MSR1: variants seen among roughly 807,000 people sequenced by gnomAD.
MSR1 encodes the protein macrophage scavenger receptor 1, also known as macrophage scavenger receptor types I and II.
Under a neutral mutation model 47.2 loss-of-function variants are expected in MSR1, and 53 were observed. The observed-to-expected ratio is 1.12, with a 90% CI of 0.90 to 1.41. The LOEUF (loss-of-function observed/expected upper bound fraction) is 1.41, where lower values mean the gene tolerates loss of function less well. Ranked by LOEUF, MSR1 falls within the 40% of genes most tolerant of loss-of-function variation. The pLI is 0.00. For missense variants in MSR1, 786 were observed against 546.9 expected (o/e 1.44, Z -4.36); for synonymous variants, 239 against 185.6 (o/e 1.29, Z -2.34).
chr8:16,152,088 C>CAG (rs879435091), intron 6 of MSR1, among the ~76,000 whole-genome samples: 365 of 152,252 alleles, frequency 2.4e-3, no homozygotes, highest in Admixed American at 6.2e-3. Flanking sequence ...TCCTCCCCCT[C>CAG]TTCCTCATCC....
chr8:16,175,762 G>C (rs745758850), intron 2 of MSR1, among the ~76,000 whole-genome samples: 3 of 152,048 alleles, frequency 2.0e-5, no homozygotes, highest in Non-Finnish European at 2.9e-5. Flanking sequence ...TAATTTTCTT[G>C]TTCAATTCCT....
intron 9 of MSR1, among the ~76,000 whole-genome samples, chr8:16,114,231 A>T (rs1585130852): frequency 4.0e-5 from 6 of 149,808 alleles, no homozygotes; most frequent in Admixed American, 6.6e-5. Flanking sequence ...TTACCCTTAC[A>T]TTTTTTTTTT....
intron 1 of MSR1, among the ~76,000 whole-genome samples, chr8:16,183,848 T>C (rs1050510710): frequency 1.5e-4 from 22 of 144,136 alleles, no homozygotes; most frequent in African/African-American, 5.5e-4. Context: ...TATCATAGAA[T>C]TGGCAATATA....
In MSR1 at chr8:16,108,512, AC is replaced by A. The variant is rs1799685276; in HGVS notation, c.*1572del. On this transcript the variant is annotated 3_prime_UTR_variant, in exon 10 of 10. Coordinates refer to ENST00000262101, the MANE Select transcript of MSR1 (RefSeq NM_138715.3). ...GATAATGCAAATGATTCTTTCAGAA[AC>A]CATTGTATTTACCTTTTGAAGAAAA... The A allele has an allele frequency of 6.6e-6, 1 of 152,106 alleles. No individual in the cohort carries two copies. The highest frequency in any genetic ancestry group is 1.5e-5 in the Non-Finnish European group (1 of 67,994). The allele number at this position is 152,106 out of a possible 1,614,324, so 9.4% of individuals were successfully genotyped here. A position where few individuals can be genotyped will look rare whatever the true frequency, so the allele number is the denominator to read the frequency against.
chr8:16,131,184 A>C (rs1235707088), intron 8 of MSR1, among the ~76,000 whole-genome samples: 3 of 152,094 alleles, frequency 2.0e-5, no homozygotes. Context: ...CCATTCTGAC[A>C]GGTGTGAGGT....
chr8:16,180,247 A>G (rs1312862401), intron 1 of MSR1, among the ~76,000 whole-genome samples: 10 of 151,980 alleles, frequency 6.6e-5, no homozygotes, highest in South Asian at 4.1e-4. Flanking sequence ...ATGTCCTTGT[A>G]CCTTTTCCAG....
intron 1 of MSR1, among the ~76,000 whole-genome samples, chr8:16,181,653 G>A (rs748072753): frequency 5.3e-5 from 8 of 152,030 alleles, no homozygotes; most frequent in East Asian, 1.9e-4. Flanking sequence ...CTGTCAGGGG[G>A]TGGGAGGCAA....
At chr8:16,144,038 A>T (rs1052044428) in intron 7 of MSR1, among the ~76,000 whole-genome samples, 1 of 151,892 alleles carries the variant, frequency 6.6e-6, no homozygotes, top group African/African-American at 2.4e-5. Flanking sequence ...ATCCCCAAAA[A>T]CTGGGCTGCC....
At chr8:16,186,053 T>C in intron 1 of MSR1, 1 of 1,000,708 alleles carries the variant, frequency 1.0e-6, no homozygotes, top group African/African-American at 1.6e-5. Context: ...TTTAAGTTGT[T>C]TTTCCTGTGT....
At chr8:16,152,959 T>C (rs1800901389) in intron 6 of MSR1, among the ~76,000 whole-genome samples, 1 of 152,064 alleles carries the variant, frequency 6.6e-6, no homozygotes, top group Non-Finnish European at 1.5e-5. Flanking sequence ...TTCAAGGAAA[T>C]AGCCCTCTAA....
rs141804459 is a variant in MSR1, at chr8:16,155,111, C to T, written c.851G>A (p.Arg284Gln). 62 of 1,612,046 alleles carry T rather than the reference C, an allele frequency of 3.8e-5. No homozygotes were observed. The East Asian group carries it at 9.8e-4, about 26-fold the overall frequency. ...PPGPPGEKGD[R>Q]GPTGESGPRG... ...TGGACCACTTTCTCCAGTGGGACCT[C>T]GATCTCCTTTTTCACCCGGGGGTCC... Residue 284 changes from arginine (R) to glutamine (Q), a missense_variant, in exon 6 of 10, where the codon CGA becomes CAA. Arg to Gln is a conservative substitution (Grantham distance 43). Transcript: ENST00000262101.
rs1392601522 is a variant in MSR1 at position 16,109,832 on chromosome 8, A to G, written c.*253T>C. The stretch of plus-strand genomic sequence containing the variant: ...TGTAATCTGGAAGCTATAAACTTCA[A>G]AATGTTCAATTCAGCATATAAGTCA... On this transcript the variant is annotated 3_prime_UTR_variant, in exon 10 of 10. Coordinates refer to ENST00000262101, the MANE Select transcript of MSR1 (RefSeq NM_138715.3). 2 of 484,938 alleles carry G rather than the reference A, an allele frequency of 4.1e-6. No individual in the cohort carries two copies. The highest frequency in any genetic ancestry group is 3.9e-5 in the African/African-American group (2 of 51,560). 30.0% of individuals were successfully genotyped at this position (484,938 alleles called of 1,614,324 possible).
intron 6 of MSR1, among the ~76,000 whole-genome samples, chr8:16,154,665 G>A (rs1800949485): frequency 6.6e-6 from 1 of 151,956 alleles, no homozygotes; most frequent in South Asian, 2.1e-4. Flanking sequence ...GCTTGCAAAT[G>A]TGAAGATGAT....
chr8:16,188,304 G>A (rs2116942943), intron 1 of MSR1, among the ~76,000 whole-genome samples: 1 of 151,760 alleles, frequency 6.6e-6, no homozygotes, highest in South Asian at 2.1e-4. Context: ...GATATGTTAG[G>A]ATGAAATTTC....
chr8:16,166,635 A>G (rs1189853417), intron 4 of MSR1, among the ~76,000 whole-genome samples: 1 of 152,028 alleles, frequency 6.6e-6, no homozygotes, highest in African/African-American at 2.4e-5. Context: ...CCTCCTAGAA[A>G]CAGGCATTTA....
Position 16,155,069 on chromosome 8 carries a change from G to A in MSR1, c.893C>T (p.Pro298Leu), listed in dbSNP as rs1336332593. ...GESGPRGFPG[P>L]IGPPGLKGDR... is the part of the protein sequence containing the mutation. ...AATAGCTAAAATTACCATACCTATT[G>A]GACCTGGAAATCCTCGTGGACCACT... Residue 298 changes from proline (P) to leucine (L), a missense_variant, in exon 6 of 10, where the codon CCA (proline) becomes CTA (leucine). Coordinates refer to ENST00000262101, the MANE Select transcript of MSR1 (RefSeq NM_138715.3). 6.2e-7 allele frequency: 1 copy of A among 1,610,800 alleles called. No homozygotes were observed. Among genetic ancestry groups the A allele is most frequent in the Admixed American group, 1.7e-5 (1 of 59,792 alleles).
intron 1 of MSR1, among the ~76,000 whole-genome samples, chr8:16,188,283 A>G (rs1802060745): frequency 6.6e-6 from 1 of 152,054 alleles, no homozygotes; most frequent in Admixed American, 6.6e-5. Flanking sequence ...AAACATTTTA[A>G]TAATATTATA....
chr8:16,154,887 T>C lies in MSR1; in HGVS notation c.898+177A>G, dbSNP rs34253485. 5.2e-3 allele frequency among the ~76,000 whole-genome samples: 785 copies of C among 151,840 alleles called. 8 individuals are homozygous for C. Among genetic ancestry groups the C allele is most frequent in the African/African-American group, 0.018 (727 of 41,456 alleles). ...ATTATGTGATTAGGCTACTAGAACA[T>C]TTACTAATCCCCCAAAACACACACA... On this transcript the variant is annotated intron_variant, in intron 6 of 9. Transcript: ENST00000262101.
chr8:16,169,004 T>A, intron 3 of MSR1, 134 bp from the exon 4 acceptor site: 7 of 871,412 alleles, frequency 8.0e-6, no homozygotes, highest in Non-Finnish European at 1.1e-5. Context: ...CTAAATCGAG[T>A]ATTTTTTTTT....
Sources: allele counts gnomAD v4.1 joint callset (sites outside exome capture counted in the v4.1 genomes callset), GRCh38; gene constraint gnomAD v4.1.1; transcripts MANE v1.5; gene names NCBI Gene and HGNC (gene_info 2026-07-23, HGNC 2026-07-21).